The following ZNF292 variants were observed in gnomAD, a reference collection of about 807,000 sequenced individuals.
The protein encoded by ZNF292 is zinc finger protein 292.
A neutral mutation model predicts 217.9 loss-of-function variants in ZNF292; 26 were observed. The ratio of observed to expected loss-of-function variants is 0.12; its 90% CI spans 0.09 to 0.17. ZNF292 has a LOEUF of 0.17. ZNF292 is among the 10% of genes least tolerant of loss of function. The pLI, the probability that ZNF292 is intolerant of heterozygous loss-of-function variation, is 1.00. For missense variants in ZNF292, 2,904 were observed against 3,175.2 expected (o/e 0.91, Z 2.05); for synonymous variants, 1,257 against 1,124.1 (o/e 1.12, Z -2.37).
intron 1 of ZNF292, among the ~76,000 whole-genome samples, chr6:87,180,199 A>G (rs1980792): frequency 0.63 from 95,975 of 152,232 alleles, 31,852 homozygotes; most frequent in African/African-American, 0.85. Flanking sequence ...CCTTATTTAC[A>G]AATTTGCATT....
intron 1 of ZNF292, among the ~76,000 whole-genome samples, chr6:87,183,327 C>A (rs1339548023): frequency 6.6e-6 from 1 of 152,036 alleles, no homozygotes. Context: ...ATATTGTTAT[C>A]AAATACTTTT....
At chr6:87,214,842 G>A (rs1426187473) in intron 1 of ZNF292, among the ~76,000 whole-genome samples, 5 of 152,058 alleles carry the variant, frequency 3.3e-5, no homozygotes, top group Non-Finnish European at 7.4e-5. Flanking sequence ...TCTGTTAGTT[G>A]GAAGTTAGTA....
rs762797177 is a variant in ZNF292, at chr6:87,254,632, C to A, written c.1021-18C>A. ...TTAGTGTAGATTAAATTAACATTTC[C>A]TATTTGCTTTTTCACAGACTGAAGG... is the stretch of plus-strand genomic sequence containing the variant. On this transcript the variant is annotated intron_variant, in intron 7 of 7. Coordinates refer to ENST00000369577, the MANE Select transcript of ZNF292 (RefSeq NM_015021.3). The A allele has an allele frequency of 3.2e-6, 5 of 1,554,892 alleles. No individual in the cohort carries two copies. In the African/African-American group the frequency reaches 5.5e-5, roughly 17 times the overall value.
At chr6:87,188,415 T>C (rs1232715097) in intron 1 of ZNF292, among the ~76,000 whole-genome samples, 1 of 152,162 alleles carries the variant, frequency 6.6e-6, no homozygotes, top group Non-Finnish European at 1.5e-5. Flanking sequence ...TTCCTGGCCT[T>C]ATATTTCTAT....
chr6:87,256,562 G>T lies in ZNF292; in HGVS notation c.2933G>T (p.Cys978Phe). Residue 978 changes from cysteine to phenylalanine, a missense_variant, in exon 8 of 8, where the codon TGT (cysteine) becomes TTT (phenylalanine). By Grantham distance (205) the Cys-to-Phe change is radical (BLOSUM62 -2). Around this residue, in one of 15 missense-constraint regions of ZNF292, gnomAD observed 687 missense variants for 623.0 expected, o/e 1.10. Transcript: ENST00000369577. ...TTACATACGCCAGTTGAAGATACTT[G>T]TAATGATTTGTGTCATCCAGGTTTC... ...TDLHTPVEDT[C>F]NDLCHPGFQE... 1 of 1,613,554 alleles carries T rather than the reference G, an allele frequency of 6.2e-7. No individual in the cohort carries two copies. Among genetic ancestry groups the T allele is most frequent in the Non-Finnish European group, 8.5e-7 (1 of 1,179,830 alleles).
chr6:87,257,208 A>G lies in ZNF292; in HGVS notation c.3579A>G (p.Pro1193=). The G allele has an allele frequency of 1.2e-6, 2 of 1,613,858 alleles. No individual in the cohort carries two copies. Among genetic ancestry groups the G allele is most frequent in the Non-Finnish European group, 1.7e-6 (2 of 1,179,858 alleles). The part of the protein sequence containing the change: ...QLQHVSPPIF[P]AHLASVSTPL... Reference sequence around the variant, plus strand: ...AGCATGTCTCGCCACCCATTTTTCCAGCTCATTTAGCAAGTGTGTCAACTC... The same window carrying G: ...AGCATGTCTCGCCACCCATTTTTCCGGCTCATTTAGCAAGTGTGTCAACTC... Residue 1193 remains proline, a synonymous_variant, in exon 8 of 8, where the codon CCA becomes CCG. Transcript: ENST00000369577.
intron 3 of ZNF292, among the ~76,000 whole-genome samples, chr6:87,216,613 G>C (rs1352604568): frequency 6.6e-6 from 1 of 151,932 alleles, no homozygotes; most frequent in African/African-American, 2.4e-5. Flanking sequence ...GGCTTTGTAA[G>C]AGCAGCAAGG....
At chr6:87,221,914 A>G (rs999723374) in intron 4 of ZNF292, among the ~76,000 whole-genome samples, 1 of 152,148 alleles carries the variant, frequency 6.6e-6, no homozygotes, top group Non-Finnish European at 1.5e-5. Flanking sequence ...GTAATGTAAG[A>G]TGACATTACG....
At position 87,259,586 on chromosome 6, in the gene ZNF292, G is replaced by A. The variant is rs1346249706; in HGVS notation, c.5957G>A (p.Arg1986Lys). 3 of 1,577,012 alleles carry A rather than the reference G, an allele frequency of 1.9e-6. No individual in the cohort carries two copies. Among genetic ancestry groups the A allele is most frequent in the Admixed American group, 1.8e-5 (1 of 54,082 alleles). ...TEEMVKLKIK[R>K]PYGRKSQSEN... ...GAAATGGTAAAGTTAAAAATTAAAA[G>A]GCCTTATGGAAGAAAATCTCAGAGT... The change falls in exon 8 of 8, where the codon AGG (arginine) becomes AAG (lysine). Residue 1986 changes from arginine (R) to lysine (K), a missense_variant. By Grantham distance (26) the Arg-to-Lys change is conservative. Around this residue, in one of 15 missense-constraint regions of ZNF292, gnomAD observed 261 missense variants for 272.8 expected, o/e 0.96. Coordinates refer to ENST00000369577, the MANE Select transcript of ZNF292 (RefSeq NM_015021.3).
At chr6:87,236,988 G>C (rs73754146) in intron 5 of ZNF292, among the ~76,000 whole-genome samples, 1,680 of 152,254 alleles carry the variant, frequency 0.011, 35 homozygotes, top group African/African-American at 0.037. Context: ...AAGTGAAATT[G>C]CTGGATCAAA....
At position 87,260,580 on chromosome 6, in the gene ZNF292, G is replaced by A. The variant is rs187534807; in HGVS notation, c.6951G>A (p.Gly2317=). ...NQEKSKSKHR[G]TKHSRCGKEG... ...AAAAATCAAAGTCTAAACATCGGGG[G>A]ACCAAGCACAGCAGATGTGGAAAGG... The change falls in exon 8 of 8, where the codon GGG becomes GGA. Residue 2317 remains glycine (G), a synonymous_variant. Transcript: ENST00000369577. The A allele has an allele frequency of 3.8e-3, 6,051 of 1,613,040 alleles. 34 individuals carry two copies. Among genetic ancestry groups the A allele is most frequent in the Non-Finnish European group, 3.7e-3 (4,421 of 1,179,662 alleles).
At position 87,259,418 on chromosome 6, in the gene ZNF292, C is replaced by T; in HGVS notation, c.5789C>T (p.Thr1930Ile). Reference sequence around the variant, plus strand: ...CACTATGGTAAAATTCATCAATACACTCCAGAAATGATTCTTGAAATTAAG... The same window carrying T: ...CACTATGGTAAAATTCATCAATACATTCCAGAAATGATTCTTGAAATTAAG... ...FKHYGKIHQY[T>I]PEMILEIKKN... The change falls in exon 8 of 8, where the codon ACT (threonine) becomes ATT (isoleucine). Residue 1930 changes from threonine (T) to isoleucine (I), a missense_variant. By Grantham distance (89) the Thr-to-Ile change is moderately conservative. Coordinates refer to ENST00000369577, the MANE Select transcript of ZNF292 (RefSeq NM_015021.3). The T allele has an allele frequency of 6.2e-7, 1 of 1,601,522 alleles. No homozygotes were observed.
At chr6:87,247,293 G>GCA (rs146272412) in intron 7 of ZNF292, among the ~76,000 whole-genome samples, 1 of 149,056 alleles carries the variant, frequency 6.7e-6, no homozygotes, top group Non-Finnish European at 1.5e-5. Flanking sequence ...GCGCACGCAC[G>GCA]TGCATGCATG....
At chr6:87,225,953 T>G (rs1281406890) in intron 4 of ZNF292, among the ~76,000 whole-genome samples, 1 of 152,208 alleles carries the variant, frequency 6.6e-6, no homozygotes, top group Admixed American at 6.5e-5. Flanking sequence ...GGGTTTTACT[T>G]TTATTAACAT....
chr6:87,190,012 T>C (rs895253752), intron 1 of ZNF292, among the ~76,000 whole-genome samples: 2 of 152,212 alleles, frequency 1.3e-5, no homozygotes, highest in Middle Eastern at 3.2e-3. Context: ...CCAACACCAC[T>C]TTATTTTGTT....
intron 5 of ZNF292, among the ~76,000 whole-genome samples, chr6:87,235,666 AC>A (rs1289866394): frequency 6.6e-6 from 1 of 152,186 alleles, no homozygotes; most frequent in Non-Finnish European, 1.5e-5. Context: ...GAGTTGAGTA[AC>A]AACAGTCCAG....
chr6:87,241,528 C>T (rs1208567012), intron 5 of ZNF292, among the ~76,000 whole-genome samples: 1 of 148,784 alleles, frequency 6.7e-6, no homozygotes, highest in East Asian at 2.0e-4. Flanking sequence ...AAGCGGTTTT[C>T]CCACCTCAAC....
rs1167356410 is a variant in ZNF292, at chr6:87,239,576, C to T, written c.742-3899C>T. Among the ~76,000 whole-genome samples, 4 of 143,346 alleles carry T rather than the reference C, an allele frequency of 2.8e-5. No homozygotes were observed. The South Asian group carries it at 8.9e-4, about 32-fold the overall frequency. 94.0% of individuals were successfully genotyped at this position (143,346 alleles called of 152,430 possible). On this transcript the variant is annotated intron_variant, in intron 5 of 7. Transcript: ENST00000369577. ...ACAGGGCGGCTGCCGGGCGGAGACG[C>T]TCCTCACTTCCCAGACGGGGCGGCT...
intron 4 of ZNF292, 86 bp from the exon 5 acceptor site, chr6:87,233,237 CGT>C (rs1479971793): frequency 1.1e-6 from 1 of 945,990 alleles, no homozygotes; most frequent in African/African-American, 1.7e-5. Context: ...TTTTAGTTCC[CGT>C]GTTTAAAAAT....
Sources: gnomAD v4.1 joint callset for allele counts (sites outside exome capture counted in the v4.1 genomes callset) on GRCh38, gnomAD v4.1.1 for gene constraint, gnomAD v4.1.1 regional missense constraint, MANE v1.5 for transcripts, NCBI Gene and HGNC (gene_info 2026-07-23, HGNC 2026-07-21) for gene names.